The following CEP290 variants were observed in gnomAD, a reference collection of about 807,000 sequenced individuals.
CEP290 encodes the protein centrosomal protein 290.
A neutral mutation model predicts 344.9 loss-of-function variants in CEP290; 317 were observed. That is an observed-to-expected ratio of 0.92 (90% CI 0.84 to 1.01). The LOEUF is 1.01. Among genes scored for constraint, CEP290 ranks in the 50% least tolerant of loss-of-function variants. The probability of loss-of-function intolerance (pLI) is 0.00; values close to 1 mark genes in which losing one functional copy is unlikely to be tolerated. For synonymous variants in CEP290, 932 were observed against 895.8 expected, an observed-to-expected ratio of 1.04 and a Z score of -0.72; for missense variants, 2,754 against 2,761.4, an observed-to-expected ratio of 1.00 and a Z score of 0.06.
intron 7 of CEP290, among the ~76,000 whole-genome samples, 180 bp from the exon 8 acceptor site, chr12:88,130,745 A>C (rs576175510): frequency 6.6e-6 from 1 of 152,264 alleles, no homozygotes; most frequent in South Asian, 2.1e-4. Flanking sequence ...ATTATGTTAG[A>C]AACTTAAGAA....
chr12:88,128,888 A>T, intron 11 of CEP290, 58 bp downstream of exon 11: 1 of 1,068,302 alleles, frequency 9.4e-7, no homozygotes, highest in East Asian at 3.0e-5. Context: ...AAATAAGACT[A>T]AAATTTAAAT....
chr12:88,115,257 A>G (rs759272890), intron 18 of CEP290, 75 bp from the exon 19 acceptor site: 474 of 859,556 alleles, frequency 5.5e-4, no homozygotes, highest in Non-Finnish European at 7.9e-4. Context: ...AAGTTAAGAA[A>G]AGTTTGATCA....
Position 88,115,161 on chromosome 12 carries a change from G to A in CEP290, c.1846C>T (p.Leu616=). The change falls in exon 19 of 54, where the codon CTA becomes TTA. Residue 616 remains leucine (L), a synonymous_variant. Coordinates refer to ENST00000552810, the MANE Select transcript of CEP290 (RefSeq NM_025114.4). ...QSKNEFLSRE[L]IEKERDLERS... ...TCTAAATCTCTTTCTTTTTCAATTA[G>A]TTCTCTTGAAAGAAATTCATTCTGA... 6.7e-7 allele frequency: 1 copy of A among 1,486,242 alleles called. No individual in the cohort carries two copies. Among genetic ancestry groups the A allele is most frequent in the Non-Finnish European group, 9.2e-7 (1 of 1,087,860 alleles). 92.1% of individuals were successfully genotyped at this position (1,486,242 alleles called of 1,614,324 possible). A position where few individuals can be genotyped will look rare whatever the true frequency, so the allele number is the denominator to read the frequency against.
intron 41 of CEP290, among the ~76,000 whole-genome samples, chr12:88,074,293 C>G (rs1330055608): frequency 6.6e-6 from 1 of 151,984 alleles, no homozygotes; most frequent in Non-Finnish European, 1.5e-5. Flanking sequence ...GAAATATGTA[C>G]AAGAATTTTT....
intron 18 of CEP290, chr12:88,116,109 C>T (rs2039020562): frequency 2.7e-5 from 26 of 976,464 alleles, no homozygotes; most frequent in Non-Finnish European, 3.0e-5. Context: ...TGTTGATAAG[C>T]CATGAAAAGA....
Position 88,089,407 on chromosome 12 carries a change from A to T in CEP290, c.3654T>A (p.Leu1218=). 1 of 1,611,908 alleles carries T rather than the reference A, an allele frequency of 6.2e-7. No homozygotes were observed. The highest frequency in any genetic ancestry group is 8.5e-7 in the Non-Finnish European group (1 of 1,178,744). Residue 1218 remains leucine, a synonymous_variant, in exon 31 of 54, where the codon CTT becomes CTA. Transcript: ENST00000552810. ...VSLQLSEATA[L]GKLESITSKL... ...TAGATGTAATTGACTCCAACTTACC[A>T]AGAGCAGTAGCCTCACTCAGTTGAA...
At chr12:88,102,704 T>C (rs1343999976) in intron 26 of CEP290, 134 bp downstream of exon 26, 2 of 635,340 alleles carry the variant, frequency 3.1e-6, no homozygotes, top group African/African-American at 1.9e-5. Context: ...ATGAATAATA[T>C]GGATAATTAT....
Position 88,114,467 on chromosome 12 carries a change from C to G in CEP290, c.2005G>C (p.Gly669Arg). 2 of 1,547,210 alleles carry G rather than the reference C, an allele frequency of 1.3e-6. No individual in the cohort carries two copies. The highest frequency in any genetic ancestry group is 1.7e-6 in the Non-Finnish European group (2 of 1,145,044). ...KEMQKDPDVK[G>R]GETSLIIPSL... ...GGGATAATTAGAGATGTTTCTCCTC[C>G]TTTAACATCAGGATCTTTCTGCATT... The change falls in exon 20 of 54, where the codon GGA (glycine) becomes CGA (arginine). Residue 669 changes from glycine (G) to arginine (R), a missense_variant. Physicochemically the swap from Gly to Arg is moderately radical, Grantham distance 125. Coordinates refer to ENST00000552810, the MANE Select transcript of CEP290 (RefSeq NM_025114.4).
chr12:88,092,505 T>C (rs561827635), intron 29 of CEP290, among the ~76,000 whole-genome samples, 176 bp downstream of exon 29: 3 of 152,314 alleles, frequency 2.0e-5, no homozygotes, highest in East Asian at 1.9e-4. Context: ...ATTATTCTCG[T>C]CAATATTATT....
rs905274239 is a variant in CEP290, at chr12:88,058,984, T to A, written c.6682A>T (p.Asn2228Tyr). ...TTCTCATTTAATATCTCTAAATTAT[T>A]CTTTGCTATCCGTAATTTCTCTGCA... is the stretch of plus-strand genomic sequence containing the variant. ...DAAEKLRIAK[N>Y]NLEILNEKMT... The change falls in exon 49 of 54, where the codon AAT becomes TAT. Residue 2228 changes from asparagine to tyrosine, a missense_variant. Physicochemically the swap from Asn to Tyr is moderately radical, Grantham distance 143. Coordinates refer to ENST00000552810, the MANE Select transcript of CEP290 (RefSeq NM_025114.4). 6.2e-7 allele frequency: 1 copy of A among 1,612,300 alleles called. No individual in the cohort carries two copies. Among genetic ancestry groups the A allele is most frequent in the African/African-American group, 1.3e-5 (1 of 74,874 alleles).
rs778390294 is a variant in CEP290, at chr12:88,079,204, A to T, written c.5252T>A (p.Leu1751His). 1.3e-6 allele frequency: 2 copies of T among 1,593,314 alleles called. No individual in the cohort carries two copies. Among genetic ancestry groups the T allele is most frequent in the Non-Finnish European group, 1.7e-6 (2 of 1,173,246 alleles). ...AGCAGCTGCTGTCATTTCTGCCCGG[A>T]GTTCTAAAAGTGCCCGACTAAGTGC... is the stretch of plus-strand genomic sequence containing the variant. ...QKALSRALLE[L>H]RAEMTAAAEE... The change falls in exon 39 of 54, where the codon CTC becomes CAC. Residue 1751 changes from leucine to histidine, a missense_variant. Physicochemically the swap from Leu to His is moderately conservative, Grantham distance 99. Coordinates refer to ENST00000552810, the MANE Select transcript of CEP290 (RefSeq NM_025114.4).
At chr12:88,071,556 G>A in intron 42 of CEP290, 107 bp from the exon 43 acceptor site, 1 of 982,162 alleles carries the variant, frequency 1.0e-6, no homozygotes, top group Non-Finnish European at 1.5e-6. Context: ...CCCTATATTT[G>A]TCATAAGCTA....
intron 34 of CEP290, 45 bp downstream of exon 34, chr12:88,085,994 C>T: frequency 6.5e-7 from 1 of 1,548,086 alleles, no homozygotes; most frequent in Non-Finnish European, 8.8e-7. Flanking sequence ...GCCCCCCAAA[C>T]ATACCAAATA....
In CEP290 at chr12:88,084,783, T is replaced by G. The variant is rs1410895455; in HGVS notation, c.4507A>C (p.Asn1503His). 1 of 1,613,170 alleles carries G rather than the reference T, an allele frequency of 6.2e-7. No individual in the cohort carries two copies. Among genetic ancestry groups the G allele is most frequent in the Admixed American group, 1.7e-5 (1 of 59,932 alleles). The change falls in exon 35 of 54, where the codon AAT (asparagine) becomes CAT (histidine). Residue 1503 changes from asparagine to histidine, a missense_variant. Coordinates refer to ENST00000552810, the MANE Select transcript of CEP290 (RefSeq NM_025114.4). ...QNILSRDKVI[N>H]ELRLRLPATA... ...GCAGGCAATCGAAGCCTCAGTTCAT[T>G]GATTACTTTGTCTCTTGACAGTATA...
Position 88,115,019 on chromosome 12 carries a change from G to A in CEP290, c.1909+79C>T, listed in dbSNP as rs144331232. The A allele has an allele frequency of 5.9e-4, 415 of 708,048 alleles. 1 individual carries two copies. Among genetic ancestry groups the A allele is most frequent in the Non-Finnish European group, 6.8e-4 (282 of 417,336 alleles). The allele number at this position is 708,048 out of a possible 1,614,324, so 43.9% of individuals were successfully genotyped here. On this transcript the variant is annotated intron_variant, in intron 19 of 53. Transcript: ENST00000552810. ...TAAAGCAGATTAGAAAACAGAGAAT[G>A]TGTTAACGCCCTTTTAGGCCCATGA... is the stretch of plus-strand genomic sequence containing the variant.
chr12:88,077,256 A>C lies in CEP290; in HGVS notation c.5675T>G (p.Val1892Gly). Reference sequence around the variant, plus strand: ...CATAGGTTTTAGGTCTACTTCCTCCACCTTTCCCTCTAATTGGTTCTCTAG... The same window carrying C: ...CATAGGTTTTAGGTCTACTTCCTCCCCCTTTCCCTCTAATTGGTTCTCTAG... ...KKLENQLEGK[V>G]EEVDLKPMKE... The change falls in exon 41 of 54, where the codon GTG (valine) becomes GGG (glycine). Residue 1892 changes from valine to glycine, a missense_variant. Physicochemically the swap from Val to Gly is moderately radical, Grantham distance 109 (BLOSUM62 -3). Transcript: ENST00000552810. The C allele has an allele frequency of 6.2e-7, 1 of 1,605,052 alleles. No individual in the cohort carries two copies. The highest frequency in any genetic ancestry group is 8.5e-7 in the Non-Finnish European group (1 of 1,176,782).
In CEP290 at chr12:88,089,185, T is replaced by C. The variant is rs1565845673; in HGVS notation, c.3876A>G (p.Gln1292=). The change falls in exon 31 of 54, where the codon CAA becomes CAG. Residue 1292 remains glutamine (Q), a synonymous_variant. Transcript: ENST00000552810. ...QQEKFSKTMI[Q]LQNDKLKIMQ... ...TTATCTTAAGTTTGTCATTTTGTAG[T>C]TGAATCATTGTTTTGGAGAACTTTT... The C allele has an allele frequency of 6.2e-7, 1 of 1,612,876 alleles. No homozygotes were observed. Among genetic ancestry groups the C allele is most frequent in the Non-Finnish European group, 8.5e-7 (1 of 1,179,326 alleles).
chr12:88,099,442 A>G (rs2037707242), intron 26 of CEP290, among the ~76,000 whole-genome samples: 1 of 152,198 alleles, frequency 6.6e-6, no homozygotes, highest in Non-Finnish European at 1.5e-5. Flanking sequence ...ACATAAATAT[A>G]TATCTTAAGT....
In CEP290 at chr12:88,071,847, T is replaced by A; in HGVS notation, c.5789A>T (p.Lys1930Ile). The part of the protein sequence containing the change: ...AKIEGIRNKL[K>I]EKEGEVFTLT... ...AGTAAAGACTTCCCCCTCTTTCTCT[T>A]TTAACTTGTTTCGAATTCCTTCTAT... Residue 1930 changes from lysine to isoleucine, a missense_variant, in exon 42 of 54, where the codon AAA (lysine) becomes ATA (isoleucine). Lys to Ile is a moderately radical substitution (Grantham distance 102). Coordinates refer to ENST00000552810, the MANE Select transcript of CEP290 (RefSeq NM_025114.4). The A allele has an allele frequency of 1.2e-6, 2 of 1,605,542 alleles. No homozygotes were observed. Among genetic ancestry groups the A allele is most frequent in the Non-Finnish European group, 1.7e-6 (2 of 1,176,760 alleles).
Sources: allele counts gnomAD v4.1 joint callset (sites outside exome capture counted in the v4.1 genomes callset), GRCh38; gene constraint gnomAD v4.1.1; transcripts MANE v1.5; gene names NCBI Gene and HGNC (gene_info 2026-07-23, HGNC 2026-07-21).